IMMP2L: variants seen among roughly 807,000 people sequenced by gnomAD.
The protein encoded by IMMP2L is inner mitochondrial membrane peptidase subunit 2.
A neutral mutation model predicts 19.3 loss-of-function variants in IMMP2L; 18 were observed. The ratio of observed to expected loss-of-function variants is 0.93; its 90% CI spans 0.64 to 1.38. IMMP2L has a LOEUF of 1.38. Among genes scored for constraint, IMMP2L ranks in the 40% most tolerant of loss-of-function variants. The probability of loss-of-function intolerance (pLI) is 0.00; values close to 1 mark genes in which losing one functional copy is unlikely to be tolerated. For missense variants in IMMP2L, 233 were observed against 218.2 expected, an observed-to-expected ratio of 1.07 and a Z score of -0.43; for synonymous variants, 76 against 73.0, an observed-to-expected ratio of 1.04 and a Z score of -0.21.
In IMMP2L at chr7:111,298,276, G is replaced by A. The variant is rs116303544; in HGVS notation, c.239+188962C>T. 5.5e-3 allele frequency among the ~76,000 whole-genome samples: 831 copies of A among 152,150 alleles called. 11 individuals are homozygous for A. The highest frequency in any genetic ancestry group is 0.019 in the African/African-American group (801 of 41,514). On this transcript the variant is annotated intron_variant, in intron 3 of 5. Transcript: ENST00000405709. ...CCAGACAGCCTCAGCTGAAATCCTG[G>A]CTCCACACTTATGAGTTACATACCC... is the stretch of plus-strand genomic sequence containing the variant.
intron 3 of IMMP2L, among the ~76,000 whole-genome samples, chr7:111,053,269 G>A (rs1793165780): frequency 6.6e-6 from 1 of 152,202 alleles, no homozygotes; most frequent in Admixed American, 6.5e-5. Flanking sequence ...CTTCCCTCCT[G>A]ATTCTTCCCT....
intron 3 of IMMP2L, among the ~76,000 whole-genome samples, chr7:111,438,873 T>C (rs1483896289): frequency 6.6e-6 from 1 of 151,886 alleles, no homozygotes; most frequent in Non-Finnish European, 1.5e-5. Flanking sequence ...AATTTAAATA[T>C]ACAGGTCTTC....
intron 3 of IMMP2L, among the ~76,000 whole-genome samples, chr7:111,295,702 CATACACA>C (rs1821557430): frequency 6.6e-6 from 1 of 151,834 alleles, no homozygotes; most frequent in African/African-American, 2.4e-5. Context: ...TACCATTTTA[CATACACA>C]AGTAAAATTT....
intron 3 of IMMP2L, among the ~76,000 whole-genome samples, chr7:111,120,524 A>G (rs769561724): frequency 2.0e-5 from 3 of 152,176 alleles, no homozygotes; most frequent in Non-Finnish European, 4.4e-5. Context: ...ACAATTCAAG[A>G]TGAGATTTGG....
chr7:110,781,382 T>A (rs1799730322), intron 5 of IMMP2L, among the ~76,000 whole-genome samples: 1 of 151,904 alleles, frequency 6.6e-6, no homozygotes, highest in African/African-American at 2.4e-5. Flanking sequence ...ATTTTTAAAT[T>A]AATTTTTAAG....
At chr7:111,116,204 G>A (rs1219660952) in intron 3 of IMMP2L, among the ~76,000 whole-genome samples, 2 of 152,124 alleles carry the variant, frequency 1.3e-5, no homozygotes, top group African/African-American at 2.4e-5. Flanking sequence ...CCTATATCCA[G>A]AGGAATGGAA....
chr7:111,056,199 A>G (rs1793494690), intron 3 of IMMP2L, among the ~76,000 whole-genome samples: 2 of 152,248 alleles, frequency 1.3e-5, no homozygotes, highest in East Asian at 3.8e-4. Flanking sequence ...GTAAAAATAA[A>G]GCAAATAACA....
chr7:111,507,303 A>G (rs1389219819), intron 2 of IMMP2L, among the ~76,000 whole-genome samples: 1 of 152,186 alleles, frequency 6.6e-6, no homozygotes, highest in Non-Finnish European at 1.5e-5. Flanking sequence ...AATTTCTGCT[A>G]TAAGTTCATT....
chr7:111,366,749 T>A (rs985770878), intron 3 of IMMP2L, among the ~76,000 whole-genome samples: 1 of 152,014 alleles, frequency 6.6e-6, no homozygotes, highest in African/African-American at 2.4e-5. Flanking sequence ...AAGAAGAATA[T>A]ATACATATAT....
At chr7:110,676,943 C>A (rs1205846846) in intron 5 of IMMP2L, among the ~76,000 whole-genome samples, 1 of 152,162 alleles carries the variant, frequency 6.6e-6, no homozygotes, top group Non-Finnish European at 1.5e-5. Context: ...ACAAGAAGCA[C>A]AGGACTTCAC....
At chr7:111,350,118 C>T (rs903346466) in intron 3 of IMMP2L, among the ~76,000 whole-genome samples, 2 of 151,810 alleles carry the variant, frequency 1.3e-5, no homozygotes, top group African/African-American at 4.8e-5. Context: ...CACGTGCACG[C>T]CACCATGCCA....
rs1423487764 is a variant in IMMP2L, at chr7:110,924,275, CT to C, written c.306-37581del. ...TTACAGCAAAATTGAGAAGAGGCTTCTGGTGAAAACGTTTGTAGTTCTGCAG... is the reference window on the plus strand; with the variant it reads ...TTACAGCAAAATTGAGAAGAGGCTTCGGTGAAAACGTTTGTAGTTCTGCAG... On this transcript the variant is annotated intron_variant, in intron 4 of 5. Transcript: ENST00000405709. The surrounding 1 kb of genome is among the most constrained non-coding windows in gnomAD (Gnocchi z 4.2). Among the ~76,000 whole-genome samples, 5 of 152,118 alleles carry C rather than the reference CT, an allele frequency of 3.3e-5. No individual in the cohort carries two copies. The highest frequency in any genetic ancestry group is 3.3e-4 in the Admixed American group (5 of 15,268).
chr7:110,920,720 A>G (rs1814180836), intron 4 of IMMP2L, among the ~76,000 whole-genome samples: 1 of 152,198 alleles, frequency 6.6e-6, no homozygotes, highest in African/African-American at 2.4e-5. Context: ...GTATGTCCCA[A>G]TAATAATTAT....
intron 3 of IMMP2L, among the ~76,000 whole-genome samples, chr7:111,150,440 G>T (rs143600840): frequency 8.5e-5 from 13 of 152,100 alleles, no homozygotes; most frequent in African/African-American, 2.9e-4. Flanking sequence ...ATTAAAGATC[G>T]TGAAAAAACC....
intron 5 of IMMP2L, among the ~76,000 whole-genome samples, chr7:110,828,141 T>C (rs1026456883): frequency 6.6e-6 from 1 of 152,290 alleles, no homozygotes. Flanking sequence ...TTAGGCTTTG[T>C]AGGCCAGATG....
At position 110,896,600 on chromosome 7, in the gene IMMP2L, GCA is replaced by G. The variant is rs528053354; in HGVS notation, c.306-9907_306-9906del. ...TAATCTGTTGACTTCTGTATTTGTGGCACATTTTGCCTTTCAAAAATTTTTAA... is the reference window on the plus strand; with the variant it reads ...TAATCTGTTGACTTCTGTATTTGTGGCATTTTGCCTTTCAAAAATTTTTAA... On this transcript the variant is annotated intron_variant, in intron 4 of 5. Coordinates refer to ENST00000405709, the MANE Select transcript of IMMP2L (RefSeq NM_032549.4). Among the ~76,000 whole-genome samples the G allele has an allele frequency of 4.1e-3, 495 of 119,556 alleles. 156 individuals are homozygous for G. The highest frequency in any genetic ancestry group is 0.012 in the Admixed American group (145 of 12,418). 78.4% of individuals were successfully genotyped at this position (119,556 alleles called of 152,430 possible). A position where few individuals can be genotyped will look rare whatever the true frequency, so the allele number is the denominator to read the frequency against.
intron 2 of IMMP2L, among the ~76,000 whole-genome samples, chr7:111,498,315 C>A (rs995264150): frequency 6.6e-6 from 1 of 152,000 alleles, no homozygotes; most frequent in Non-Finnish European, 1.5e-5. Context: ...AGAAATAGAT[C>A]ACATATAGTC....
intron 3 of IMMP2L, among the ~76,000 whole-genome samples, chr7:111,476,440 T>C (rs1180218365): frequency 6.6e-6 from 1 of 152,168 alleles, no homozygotes; most frequent in African/African-American, 2.4e-5. Context: ...TTAAGATGAT[T>C]TTCTATTGGC....
intron 4 of IMMP2L, among the ~76,000 whole-genome samples, chr7:110,900,403 C>G (rs879360111): frequency 6.6e-6 from 1 of 152,196 alleles, no homozygotes; most frequent in African/African-American, 2.4e-5. Flanking sequence ...GAACAACAAT[C>G]TCGCTCCTTT....
Sources: allele counts gnomAD v4.1 joint callset (sites outside exome capture counted in the v4.1 genomes callset), GRCh38; gene constraint gnomAD v4.1.1; non-coding constraint Gnocchi (gnomAD v3.1); transcripts MANE v1.5; gene names NCBI Gene and HGNC (gene_info 2026-07-23, HGNC 2026-07-21).